SLIT3: variants seen among roughly 807,000 people sequenced by gnomAD.
The protein encoded by SLIT3 is slit guidance ligand 3, also known as slit homolog 3 protein.
SLIT3 carries 68 observed loss-of-function variants against 184.0 expected under a neutral mutation model. The ratio of observed to expected loss-of-function variants is 0.37; its 90% CI spans 0.30 to 0.45. SLIT3 has a LOEUF of 0.45. Among genes scored for constraint, SLIT3 ranks in the 20% least tolerant of loss-of-function variants. The pLI is 1.00. For synonymous variants in SLIT3, 831 were observed against 828.6 expected (o/e 1.00, Z -0.05); for missense variants, 1,707 against 2,026.0 (o/e 0.84, Z 3.02).
In SLIT3 at chr5:168,710,992, C is replaced by T. The variant is rs377591667; in HGVS notation, c.2622G>A (p.Ala874=). The change falls in exon 25 of 36, where the codon GCG becomes GCA. Residue 874 remains alanine (A), a synonymous_variant. Transcript: ENST00000519560. ...SLRWLSEWVK[A]GYKEPGIARC... ...GGGCGATGCCAGGCTCCTTGTACCC[C>T]GCCTTCACCCACTCCGACAGCCACC... 45 of 1,571,892 alleles carry T rather than the reference C, an allele frequency of 2.9e-5. No individual in the cohort carries two copies. The East Asian group carries it at 4.7e-4, about 16-fold the overall frequency.
intron 1 of SLIT3, among the ~76,000 whole-genome samples, chr5:169,299,765 G>A (rs1767624997): frequency 6.6e-6 from 1 of 152,168 alleles, no homozygotes; most frequent in South Asian, 2.1e-4. Flanking sequence ...CTCTCCATTC[G>A]CTGCCAAGCC....
Position 168,898,581 on chromosome 5 carries a change from G to A in SLIT3, c.414-15245C>T, listed in dbSNP as rs572842723. ...TTTTATAGTTATAATAGCTTTTTTG[G>A]CCACTGTTCAAAATGTCAAATAAAT... is the stretch of plus-strand genomic sequence containing the variant. On this transcript the variant is annotated intron_variant, in intron 4 of 35. Transcript: ENST00000519560. Among the ~76,000 whole-genome samples the A allele has an allele frequency of 5.3e-5, 8 of 151,990 alleles. No individual in the cohort carries two copies. The South Asian group carries it at 1.7e-3, about 32-fold the overall frequency.
intron 12 of SLIT3, among the ~76,000 whole-genome samples, chr5:168,777,016 T>C (rs1755774536): frequency 6.6e-6 from 1 of 152,028 alleles, no homozygotes; most frequent in Non-Finnish European, 1.5e-5. Context: ...GCCACATATA[T>C]GTGTTTTTTC....
At chr5:169,078,298 T>C (rs925816110) in intron 4 of SLIT3, among the ~76,000 whole-genome samples, 2 of 152,166 alleles carry the variant, frequency 1.3e-5, no homozygotes, top group Non-Finnish European at 2.9e-5. Context: ...ACGCTCTGTT[T>C]CTGGTTTCCT....
intron 4 of SLIT3, among the ~76,000 whole-genome samples, chr5:168,949,971 G>C (rs779171929): frequency 1.3e-4 from 20 of 152,174 alleles, no homozygotes; most frequent in Non-Finnish European, 2.9e-4. Flanking sequence ...ACCCTTGAAA[G>C]TTCCTTAAAC....
intron 4 of SLIT3, among the ~76,000 whole-genome samples, chr5:169,104,688 G>A (rs1760137652): frequency 6.6e-6 from 1 of 152,134 alleles, no homozygotes. Flanking sequence ...ATTTTGGAGA[G>A]GGGCGCTTCG....
intron 3 of SLIT3, among the ~76,000 whole-genome samples, chr5:169,228,205 T>C (rs570599520): frequency 5.9e-5 from 9 of 152,188 alleles, no homozygotes; most frequent in Non-Finnish European, 1.3e-4. Flanking sequence ...ACTTAGGAGC[T>C]CCTGGGAGAA....
chr5:169,222,213 C>A (rs1026353545), intron 3 of SLIT3, among the ~76,000 whole-genome samples: 2 of 152,054 alleles, frequency 1.3e-5, no homozygotes, highest in Non-Finnish European at 2.9e-5. Flanking sequence ...TGAATTAATT[C>A]CTGTTTCATT....
Position 168,883,465 on chromosome 5 carries a change from G to T in SLIT3, c.414-129C>A, listed in dbSNP as rs1007697831. 4 of 668,588 alleles carry T rather than the reference G, an allele frequency of 6.0e-6. No homozygotes were observed. The Admixed American group carries it at 7.5e-5, about 12-fold the overall frequency. 41.4% of individuals were successfully genotyped at this position (668,588 alleles called of 1,614,324 possible). ...CGGTCAGAGTGTATGGCGGCTGTTT[G>T]GTCTCGGGCCCCAGGCTGCTACAAG... On this transcript the variant is annotated intron_variant, in intron 4 of 35. Transcript: ENST00000519560.
At chr5:169,130,365 C>G (rs1017544026) in intron 4 of SLIT3, among the ~76,000 whole-genome samples, 1 of 152,214 alleles carries the variant, frequency 6.6e-6, no homozygotes, top group African/African-American at 2.4e-5. Flanking sequence ...CAGCAGACAT[C>G]CTGGTGGAAC....
At chr5:169,056,208 T>C (rs1242607260) in intron 4 of SLIT3, among the ~76,000 whole-genome samples, 1 of 152,162 alleles carries the variant, frequency 6.6e-6, no homozygotes, top group African/African-American at 2.4e-5. Flanking sequence ...TTGGAACCTT[T>C]GCTATCAGCA....
At chr5:168,932,293 T>A (rs1762010573) in intron 4 of SLIT3, among the ~76,000 whole-genome samples, 1 of 149,314 alleles carries the variant, frequency 6.7e-6, no homozygotes, top group Non-Finnish European at 1.5e-5. Context: ...GCACTATATA[T>A]TTCAAATCAT....
At chr5:169,198,236 T>C (rs1763802098) in intron 3 of SLIT3, among the ~76,000 whole-genome samples, 1 of 152,244 alleles carries the variant, frequency 6.6e-6, no homozygotes, top group Non-Finnish European at 1.5e-5. Context: ...AAAATTGCCA[T>C]GTTCTTGAAA....
intron 4 of SLIT3, chr5:169,023,979 T>C (rs1329943370): frequency 2.0e-5 from 3 of 152,340 alleles, no homozygotes; most frequent in South Asian, 4.1e-4. Flanking sequence ...GCTGGTCATA[T>C]TGGGGCTGTG....
intron 4 of SLIT3, among the ~76,000 whole-genome samples, chr5:168,966,695 T>C (rs62377233): frequency 0.04 from 6,029 of 152,308 alleles, 153 homozygotes; most frequent in Middle Eastern, 0.065. Context: ...CCCCCATGCC[T>C]ACTCCTCTTC....
At chr5:169,206,668 A>G (rs934776938) in intron 3 of SLIT3, among the ~76,000 whole-genome samples, 2 of 152,200 alleles carry the variant, frequency 1.3e-5, no homozygotes, top group South Asian at 2.1e-4. Context: ...TTTTTGTTCT[A>G]AACACTCAAA....
chr5:169,095,901 T>C (rs1168377946), intron 4 of SLIT3, among the ~76,000 whole-genome samples: 1 of 152,198 alleles, frequency 6.6e-6, no homozygotes, highest in Non-Finnish European at 1.5e-5. Flanking sequence ...CAATTTTAAT[T>C]ACATAAGTAC....
At chr5:169,124,217 A>G (rs1760995557) in intron 4 of SLIT3, among the ~76,000 whole-genome samples, 1 of 152,202 alleles carries the variant, frequency 6.6e-6, no homozygotes, top group Non-Finnish European at 1.5e-5. Flanking sequence ...AATGGCAGGT[A>G]TCATTGCTTA....
intron 4 of SLIT3, among the ~76,000 whole-genome samples, chr5:168,917,689 T>G (rs1761489329): frequency 6.6e-6 from 1 of 152,202 alleles, no homozygotes; most frequent in East Asian, 1.9e-4. Context: ...CAGTATTGCT[T>G]TTATGTCCAT....
Sources: allele counts gnomAD v4.1 joint callset (sites outside exome capture counted in the v4.1 genomes callset), GRCh38; gene constraint gnomAD v4.1.1; transcripts MANE v1.5; gene names NCBI Gene and HGNC (gene_info 2026-07-23, HGNC 2026-07-21).